ZNF292: variants seen among roughly 807,000 people sequenced by gnomAD.
The protein encoded by ZNF292 is 16 zinc-finger domain protein.
In ZNF292, 26 loss-of-function variants were observed where a neutral mutation model predicts 217.9. The ratio of observed to expected loss-of-function variants is 0.12; its 90% CI spans 0.09 to 0.17. ZNF292 has a LOEUF of 0.17. Among genes scored for constraint, ZNF292 ranks in the 10% least tolerant of loss-of-function variants. The pLI, the probability that ZNF292 is intolerant of heterozygous loss-of-function variation, is 1.00. For synonymous variants in ZNF292, 1,257 were observed against 1,124.1 expected (o/e 1.12, Z -2.37); for missense variants, 2,904 against 3,175.2 (o/e 0.91, Z 2.05).
chr6:87,256,831 T>G lies in ZNF292; in HGVS notation c.3202T>G (p.Leu1068Val). 1 of 1,613,728 alleles carries G rather than the reference T, an allele frequency of 6.2e-7. No individual in the cohort carries two copies. The highest frequency in any genetic ancestry group is 8.5e-7 in the Non-Finnish European group (1 of 1,179,812). ...SNLYNLPLKT[L>V]ESIAFVPPQS... The stretch of plus-strand genomic sequence containing the variant: ...TCTTTATAATTTACCTCTTAAGACA[T>G]TAGAAAGTATTGCATTTGTTCCACC... Residue 1068 changes from leucine to valine, a missense_variant, in exon 8 of 8, where the codon TTA becomes GTA. Physicochemically the swap from Leu to Val is conservative, Grantham distance 32. Coordinates refer to ENST00000369577, the MANE Select transcript of ZNF292 (RefSeq NM_015021.3).
chr6:87,259,209 T>C lies in ZNF292; in HGVS notation c.5580T>C (p.Cys1860=), dbSNP rs1775420674. The change falls in exon 8 of 8, where the codon TGT becomes TGC. Residue 1860 remains cysteine, a synonymous_variant. Transcript: ENST00000369577. ...ENDLSTPASQ[C]VLINTSVTLT... ...ACCTATCCACTCCAGCATCCCAATG[T>C]GTACTGATAAATACATCAGTGACAC... 1 of 1,613,620 alleles carries C rather than the reference T, an allele frequency of 6.2e-7. No homozygotes were observed. The highest frequency in any genetic ancestry group is 8.5e-7 in the Non-Finnish European group (1 of 1,179,720).
Position 87,256,940 on chromosome 6 carries a change from G to T in ZNF292, c.3311G>T (p.Gly1104Val). 1 of 1,613,756 alleles carries T rather than the reference G, an allele frequency of 6.2e-7. No homozygotes were observed. The highest frequency in any genetic ancestry group is 8.5e-7 in the Non-Finnish European group (1 of 1,179,822). ...CAGAAATTCAGCTGCCAGGTCGAGG[G>T]ATGTACTCGAACCTATAATTCTTCA... The part of the protein sequence containing the change: ...PVQKFSCQVE[G>V]CTRTYNSSQS... The change falls in exon 8 of 8, where the codon GGA becomes GTA. Residue 1104 changes from glycine (G) to valine (V), a missense_variant. Transcript: ENST00000369577.
In ZNF292 at chr6:87,260,607, A is replaced by G. The variant is rs745499991; in HGVS notation, c.6978A>G (p.Glu2326=). ...CCAAGCACAGCAGATGTGGAAAGGA[A>G]GGAATAAAAATGCCCAAGACCAAAC... ...RGTKHSRCGK[E]GIKMPKTKRK... Residue 2326 remains glutamate, a synonymous_variant, in exon 8 of 8, where the codon GAA becomes GAG. Coordinates refer to ENST00000369577, the MANE Select transcript of ZNF292 (RefSeq NM_015021.3). 11 of 1,613,116 alleles carry G rather than the reference A, an allele frequency of 6.8e-6. No individual in the cohort carries two copies. The highest frequency in any genetic ancestry group is 8.5e-6 in the Non-Finnish European group (10 of 1,179,654).
At chr6:87,163,590 A>G (rs867854789) in intron 1 of ZNF292, among the ~76,000 whole-genome samples, 1 of 152,220 alleles carries the variant, frequency 6.6e-6, no homozygotes, top group Non-Finnish European at 1.5e-5. Flanking sequence ...CTCCACCCAT[A>G]AAGAGCTTAC....
intron 1 of ZNF292, among the ~76,000 whole-genome samples, chr6:87,212,691 A>C (rs551703978): frequency 1.1e-4 from 16 of 152,324 alleles, no homozygotes; most frequent in African/African-American, 3.8e-4. Context: ...TGCATCATTG[A>C]ATTCCAAATT....
At chr6:87,252,529 A>G (rs62439542) in intron 7 of ZNF292, among the ~76,000 whole-genome samples, 1 of 152,150 alleles carries the variant, frequency 6.6e-6, no homozygotes, top group South Asian at 2.1e-4. Flanking sequence ...CAGAACTTTC[A>G]CCAGTAAGAA....
rs779778076 is a variant in ZNF292 at position 87,261,733 on chromosome 6, A to G, written c.8104A>G (p.Asn2702Asp). 6.2e-7 allele frequency: 1 copy of G among 1,613,130 alleles called. No homozygotes were observed. The highest frequency in any genetic ancestry group is 8.5e-7 in the Non-Finnish European group (1 of 1,179,340). Residue 2702 changes from asparagine (N) to aspartate (D), a missense_variant, in exon 8 of 8, where the codon AAT (asparagine) becomes GAT (aspartate). Around this residue, in one of 15 missense-constraint regions of ZNF292, gnomAD observed 380 missense variants for 355.3 expected, o/e 1.07. Coordinates refer to ENST00000369577, the MANE Select transcript of ZNF292 (RefSeq NM_015021.3). ...TCTGAAAAAACTTGAAGTACATTCA[A>G]ATGATCCAGATATGTCTGTTATGAA... ...VSLKKLEVHS[N>D]DPDMSVMKDI...
At position 87,255,159 on chromosome 6, in the gene ZNF292, C is replaced by T; in HGVS notation, c.1530C>T (p.Asp510=). ...GVGANSGLLK[D]IGDEKQKKRE... ...GTGCTAATTCTGGCCTTCTTAAAGA[C>T]ATTGGTGATGAAAAGCAGAAGAAGA... The change falls in exon 8 of 8, where the codon GAC becomes GAT. Residue 510 remains aspartate, a synonymous_variant. Transcript: ENST00000369577. 1 of 1,613,698 alleles carries T rather than the reference C, an allele frequency of 6.2e-7. No homozygotes were observed. The highest frequency in any genetic ancestry group is 8.5e-7 in the Non-Finnish European group (1 of 1,179,826).
At chr6:87,236,113 G>GT (rs1247730482) in intron 5 of ZNF292, among the ~76,000 whole-genome samples, 1 of 152,198 alleles carries the variant, frequency 6.6e-6, no homozygotes, top group Non-Finnish European at 1.5e-5. Flanking sequence ...TAGAAGAGGT[G>GT]TGCACCATGT....
chr6:87,264,526 C>T lies in ZNF292; in HGVS notation c.*2725C>T, dbSNP rs1296286453. 2.0e-5 allele frequency among the ~76,000 whole-genome samples: 3 copies of T among 152,102 alleles called. No individual in the cohort carries two copies. The highest frequency in any genetic ancestry group is 7.2e-5 in the African/African-American group (3 of 41,408). ...ACCTAGGGACATCAGAAAGAATGCC[C>T]TATTTTTCTGGAAAAGGAGGTAGGT... On this transcript the variant is annotated 3_prime_UTR_variant, in exon 8 of 8. Coordinates refer to ENST00000369577, the MANE Select transcript of ZNF292 (RefSeq NM_015021.3).
In ZNF292 at chr6:87,253,014, C is replaced by G. The variant is rs568547928; in HGVS notation, c.1021-1636C>G. Among the ~76,000 whole-genome samples, 218 of 152,116 alleles carry G rather than the reference C, an allele frequency of 1.4e-3. 1 individual carries two copies. The highest frequency in any genetic ancestry group is 2.6e-3 in the Non-Finnish European group (174 of 68,006). ...CTCGAATTCCCAATTTCAAGCAATCCTCCTGCCTCAGCTTTCTTTGTAGCT... is the reference window on the plus strand; with the variant it reads ...CTCGAATTCCCAATTTCAAGCAATCGTCCTGCCTCAGCTTTCTTTGTAGCT... On this transcript the variant is annotated intron_variant, in intron 7 of 7. Transcript: ENST00000369577.
At chr6:87,216,133 AC>A in intron 2 of ZNF292, 76 bp downstream of exon 2, 79 of 1,087,880 alleles carry the variant, frequency 7.3e-5, no homozygotes, top group Admixed American at 1.9e-4. Context: ...ACACACACAC[AC>A]ACACACACAC....
rs201205589 is a variant in ZNF292 at position 87,255,935 on chromosome 6, C to G, written c.2306C>G (p.Thr769Ser). Residue 769 changes from threonine (T) to serine (S), a missense_variant, in exon 8 of 8, where the codon ACC (threonine) becomes AGC (serine). By Grantham distance (58) the Thr-to-Ser change is moderately conservative. This residue lies in a region of ZNF292 where 216 missense variants were observed against 308.3 expected (regional missense o/e 0.70). Transcript: ENST00000369577. ...TTTAATAGTTACGCCGAGCTTTTAACCCACCGAAAGGAGCATCAAGTCTTT... is the reference window on the plus strand; with the variant it reads ...TTTAATAGTTACGCCGAGCTTTTAAGCCACCGAAAGGAGCATCAAGTCTTT... ...AGFNSYAELL[T>S]HRKEHQVFRA... is the part of the protein sequence containing the mutation. 6.2e-7 allele frequency: 1 copy of G among 1,613,306 alleles called. No individual in the cohort carries two copies. Among genetic ancestry groups the G allele is most frequent in the African/African-American group, 1.3e-5 (1 of 75,024 alleles).
At chr6:87,209,322 T>G (rs1175252396) in intron 1 of ZNF292, among the ~76,000 whole-genome samples, 2 of 152,202 alleles carry the variant, frequency 1.3e-5, no homozygotes, top group Non-Finnish European at 2.9e-5. Flanking sequence ...GTTCCTATTC[T>G]TATGGATTTA....
At position 87,243,628 on chromosome 6, in the gene ZNF292, T is replaced by A; in HGVS notation, c.878+17T>A. 6.9e-7 allele frequency: 1 copy of A among 1,447,918 alleles called. No individual in the cohort carries two copies. Among genetic ancestry groups the A allele is most frequent in the African/African-American group, 1.4e-5 (1 of 69,210 alleles). 89.7% of individuals were successfully genotyped at this position (1,447,918 alleles called of 1,614,324 possible). On this transcript the variant is annotated intron_variant, in intron 6 of 7. Coordinates refer to ENST00000369577, the MANE Select transcript of ZNF292 (RefSeq NM_015021.3). ...CTGCGCTTGGTGAGTTGATCTTTTTTTTTTTAAAGAAATATTTGTTAAATA... is the reference window on the plus strand; with the variant it reads ...CTGCGCTTGGTGAGTTGATCTTTTTATTTTTAAAGAAATATTTGTTAAATA...
At position 87,256,115 on chromosome 6, in the gene ZNF292, A is replaced by T. The variant is rs1194369060; in HGVS notation, c.2486A>T (p.Asp829Val). Residue 829 changes from aspartate (D) to valine (V), a missense_variant, in exon 8 of 8, where the codon GAT (aspartate) becomes GTT (valine). Coordinates refer to ENST00000369577, the MANE Select transcript of ZNF292 (RefSeq NM_015021.3). ...RSQGELEKHLDDHSTPPEKVL... is the reference protein window; with the variant it reads ...RSQGELEKHLVDHSTPPEKVL... The stretch of plus-strand genomic sequence containing the variant: ...CAGGGTGAGCTGGAAAAGCATCTGG[A>T]TGATCACAGTACTCCTCCTGAAAAA... 1 of 1,613,658 alleles carries T rather than the reference A, an allele frequency of 6.2e-7. No individual in the cohort carries two copies. Among genetic ancestry groups the T allele is most frequent in the South Asian group, 1.1e-5 (1 of 91,012 alleles).
intron 7 of ZNF292, chr6:87,249,494 T>G (rs41397850): frequency 0.079 from 12,508 of 159,322 alleles, 829 homozygotes; most frequent in African/African-American, 0.18. Flanking sequence ...AAACCTTGCT[T>G]CTTGTTGCAT....
intron 1 of ZNF292, among the ~76,000 whole-genome samples, chr6:87,210,416 A>T (rs1160603044): frequency 6.6e-6 from 1 of 152,076 alleles, no homozygotes; most frequent in African/African-American, 2.4e-5. Flanking sequence ...TGTGTTAGAG[A>T]TCCTTTAACC....
intron 1 of ZNF292, among the ~76,000 whole-genome samples, chr6:87,160,823 G>A (rs1770722222): frequency 6.6e-6 from 1 of 152,072 alleles, no homozygotes; most frequent in African/African-American, 2.4e-5. Flanking sequence ...GCTATGACTA[G>A]GGATGTGGTA....
Sources: gnomAD v4.1 joint callset for allele counts (sites outside exome capture counted in the v4.1 genomes callset) on GRCh38, gnomAD v4.1.1 for gene constraint, gnomAD v4.1.1 regional missense constraint, MANE v1.5 for transcripts, NCBI Gene and HGNC (gene_info 2026-07-23, HGNC 2026-07-21) for gene names.